Variants in AFF1 observed in about 807,000 individuals in gnomAD.
AFF1 encodes ALF transcription elongation factor 1.
AFF1 carries 48 observed loss-of-function variants against 121.7 expected under a neutral mutation model. The ratio of observed to expected loss-of-function variants is 0.39; its 90% CI spans 0.31 to 0.50. AFF1 has a LOEUF of 0.50. Ranked by LOEUF, AFF1 falls within the 20% of genes least tolerant of loss-of-function variation. AFF1 has a pLI of 0.76. For synonymous variants in AFF1, 613 were observed against 563.0 expected, an observed-to-expected ratio of 1.09 and a Z score of -1.26; for missense variants, 1,523 against 1,511.7, an observed-to-expected ratio of 1.01 and a Z score of -0.12.
chr4:87,017,832 T>C (rs1727462778), intron 2 of AFF1, among the ~76,000 whole-genome samples: 1 of 152,050 alleles, frequency 6.6e-6, no homozygotes, highest in Non-Finnish European at 1.5e-5. Flanking sequence ...TAAAGATAGA[T>C]CTGTTGCACA....
At chr4:87,001,059 GATCT>G (rs1725673547) in intron 2 of AFF1, among the ~76,000 whole-genome samples, 1 of 151,940 alleles carries the variant, frequency 6.6e-6, no homozygotes, top group African/African-American at 2.4e-5. Context: ...GTTTAATGAG[GATCT>G]ATCTATTAAT....
chr4:87,058,146 C>T (rs1408559570), intron 4 of AFF1, among the ~76,000 whole-genome samples: 2 of 152,078 alleles, frequency 1.3e-5, no homozygotes, highest in African/African-American at 2.4e-5. Context: ...TTTTACATGC[C>T]GTGGAACTGA....
At chr4:87,065,144 T>C (rs1399740003) in intron 4 of AFF1, among the ~76,000 whole-genome samples, 1 of 152,190 alleles carries the variant, frequency 6.6e-6, no homozygotes, top group Non-Finnish European at 1.5e-5. Context: ...CTGGGCAATT[T>C]ACAAAGGAAA....
intron 4 of AFF1, among the ~76,000 whole-genome samples, chr4:87,069,118 A>G (rs1721693336): frequency 6.6e-6 from 1 of 152,128 alleles, no homozygotes; most frequent in African/African-American, 2.4e-5. Context: ...ACATGGAAGA[A>G]GAGAAGGATC....
At chr4:87,057,081 G>C (rs961894301) in intron 4 of AFF1, among the ~76,000 whole-genome samples, 1 of 152,086 alleles carries the variant, frequency 6.6e-6, no homozygotes, top group African/African-American at 2.4e-5. Context: ...ATTAGAAGCT[G>C]TACATTTTTT....
At chr4:86,996,312 A>G (rs866875696) in intron 2 of AFF1, among the ~76,000 whole-genome samples, 1 of 152,074 alleles carries the variant, frequency 6.6e-6, no homozygotes, top group Non-Finnish European at 1.5e-5. Flanking sequence ...AGATTGAGAA[A>G]TCGGATGGTT....
intron 2 of AFF1, among the ~76,000 whole-genome samples, chr4:86,993,136 G>C (rs4693798): frequency 0.43 from 64,971 of 151,968 alleles, 16,600 homozygotes; most frequent in South Asian, 0.65. Flanking sequence ...TTGGAAGGCA[G>C]CCTCAGTCCT....
chr4:87,068,828 C>T (rs367669282), intron 4 of AFF1, among the ~76,000 whole-genome samples: 2 of 152,156 alleles, frequency 1.3e-5, no homozygotes, highest in Admixed American at 6.5e-5. Context: ...CGCCAGCACA[C>T]GAGACAGTGA....
chr4:87,085,411 T>C (rs1417594943), intron 5 of AFF1, among the ~76,000 whole-genome samples: 2 of 152,124 alleles, frequency 1.3e-5, no homozygotes, highest in Non-Finnish European at 2.9e-5. Flanking sequence ...TTCTTGTCTT[T>C]TACTGTAGGG....
intron 16 of AFF1, among the ~76,000 whole-genome samples, chr4:87,130,764 A>G (rs1728753864): frequency 6.6e-6 from 1 of 152,244 alleles, no homozygotes; most frequent in South Asian, 2.1e-4. Context: ...AGGAAGTTAT[A>G]GAATGAGTAA....
At chr4:86,995,729 G>A (rs1302330607) in intron 2 of AFF1, among the ~76,000 whole-genome samples, 4 of 151,918 alleles carry the variant, frequency 2.6e-5, no homozygotes, top group African/African-American at 7.2e-5. Flanking sequence ...CTGCCCGGCC[G>A]CCACCCCGTC....
intron 2 of AFF1, among the ~76,000 whole-genome samples, chr4:87,032,887 A>T (rs1729206871): frequency 6.6e-6 from 1 of 152,156 alleles, no homozygotes; most frequent in Admixed American, 6.5e-5. Flanking sequence ...AGGGGCTCAC[A>T]CCTGTAGTTC....
chr4:86,987,378 T>C (rs892529256), intron 2 of AFF1, among the ~76,000 whole-genome samples: 1 of 152,184 alleles, frequency 6.6e-6, no homozygotes, highest in African/African-American at 2.4e-5. Flanking sequence ...AGGAAGTTGC[T>C]CTGTACCCTC....
At chr4:86,955,307 G>A (rs546186228) in intron 2 of AFF1, among the ~76,000 whole-genome samples, 1 of 152,268 alleles carries the variant, frequency 6.6e-6, no homozygotes, top group African/African-American at 2.4e-5. Flanking sequence ...ATATTGATTA[G>A]GACTAATGAA....
chr4:86,960,440 G>GA (rs1187955916), intron 2 of AFF1, among the ~76,000 whole-genome samples: 1 of 152,134 alleles, frequency 6.6e-6, no homozygotes, highest in African/African-American at 2.4e-5. Context: ...ACATCAGGAG[G>GA]AAAACTCCTT....
intron 16 of AFF1, among the ~76,000 whole-genome samples, chr4:87,129,092 T>C (rs368414606): frequency 9.2e-5 from 14 of 152,248 alleles, no homozygotes; most frequent in Admixed American, 2.6e-4. Context: ...AAGGTGACTG[T>C]ACATCCCAGT....
chr4:86,976,363 G>A (rs1723305099), intron 2 of AFF1, among the ~76,000 whole-genome samples: 1 of 152,120 alleles, frequency 6.6e-6, no homozygotes, highest in African/African-American at 2.4e-5. Flanking sequence ...AATCAACCAT[G>A]GAATCAACCT....
intron 7 of AFF1, among the ~76,000 whole-genome samples, chr4:87,092,496 C>T (rs776618915): frequency 6.6e-6 from 1 of 152,166 alleles, no homozygotes; most frequent in African/African-American, 2.4e-5. Context: ...ATATGACATA[C>T]AGTTTGTCTA....
chr4:87,123,782 A>G (rs939598569), intron 12 of AFF1, among the ~76,000 whole-genome samples: 1 of 152,110 alleles, frequency 6.6e-6, no homozygotes, highest in African/African-American at 2.4e-5. Context: ...CATTTTTCTT[A>G]AACTCGGGAG....
Sources: gnomAD v4.1 joint callset for allele counts (sites outside exome capture counted in the v4.1 genomes callset) on GRCh38, gnomAD v4.1.1 for gene constraint, MANE v1.5 for transcripts, NCBI Gene and HGNC (gene_info 2026-07-23, HGNC 2026-07-21) for gene names.